The following XKR6 variants were observed in gnomAD, a reference collection of about 807,000 sequenced individuals.
XKR6 encodes XK-related protein 6.
XKR6 carries 22 observed loss-of-function variants against 56.7 expected under a neutral mutation model. That is an observed-to-expected ratio of 0.39 (90% CI 0.28 to 0.55). XKR6 has a LOEUF of 0.55. XKR6 is among the 20% of genes least tolerant of loss of function. The pLI, the probability that XKR6 is intolerant of heterozygous loss-of-function variation, is 0.66. For synonymous variants in XKR6, 524 were observed against 387.8 expected, an observed-to-expected ratio of 1.35 and a Z score of -4.13; for missense variants, 852 against 889.0, an observed-to-expected ratio of 0.96 and a Z score of 0.53.
At chr8:11,115,247 T>C (rs1017243268) in intron 1 of XKR6, among the ~76,000 whole-genome samples, 1 of 152,228 alleles carries the variant, frequency 6.6e-6, no homozygotes, top group African/African-American at 2.4e-5. Context: ...CAAAATCCTA[T>C]TTTAATCCTG....
Position 11,142,482 on chromosome 8 carries a change from G to C in XKR6, c.764+58094C>G, listed in dbSNP as rs141424495. Among the ~76,000 whole-genome samples the C allele has an allele frequency of 5.9e-5, 9 of 152,280 alleles. No homozygotes were observed. In the East Asian group the frequency reaches 1.7e-3, roughly 29 times the overall value. ...GTGTTGGAGGTGCGGCCTGGTGGGAGGTGTTTGGATCATGGGAGCAGATCC... is the reference window on the plus strand; with the variant it reads ...GTGTTGGAGGTGCGGCCTGGTGGGACGTGTTTGGATCATGGGAGCAGATCC... On this transcript the variant is annotated intron_variant, in intron 1 of 2. Coordinates refer to ENST00000416569, the MANE Select transcript of XKR6 (RefSeq NM_173683.4).
intron 1 of XKR6, among the ~76,000 whole-genome samples, chr8:11,125,504 T>A (rs1586581259): frequency 6.6e-6 from 1 of 152,014 alleles, no homozygotes; most frequent in South Asian, 2.1e-4. Flanking sequence ...ACATACAGAA[T>A]TGTGAAGTTT....
intron 1 of XKR6, among the ~76,000 whole-genome samples, chr8:11,178,186 G>C (rs1030065914): frequency 1.3e-5 from 2 of 152,044 alleles, no homozygotes; most frequent in Admixed American, 1.3e-4. Flanking sequence ...CTGAAAACTG[G>C]CTGCAAATAT....
chr8:11,146,106 T>C (rs76598258), intron 1 of XKR6, among the ~76,000 whole-genome samples: 8,482 of 152,250 alleles, frequency 0.056, 312 homozygotes, highest in South Asian at 0.096. Flanking sequence ...TTTCAACAAA[T>C]AGTAATAGAA....
chr8:10,912,287 A>C (rs1800407699), intron 2 of XKR6, among the ~76,000 whole-genome samples: 1 of 114,966 alleles, frequency 8.7e-6, no homozygotes, highest in African/African-American at 3.3e-5. Flanking sequence ...GTGTGTATAT[A>C]CATATATAAA....
intron 1 of XKR6, among the ~76,000 whole-genome samples, chr8:11,097,064 G>A (rs962216637): frequency 6.6e-6 from 1 of 152,184 alleles, no homozygotes; most frequent in African/African-American, 2.4e-5. Context: ...GTTGCCTAGA[G>A]TCAAGTTAAA....
chr8:11,099,251 G>C (rs1445864144), intron 1 of XKR6, among the ~76,000 whole-genome samples: 2 of 152,232 alleles, frequency 1.3e-5, no homozygotes, highest in African/African-American at 4.8e-5. Context: ...AAATCTGGAA[G>C]CTTGGCAAGG....
intron 1 of XKR6, among the ~76,000 whole-genome samples, chr8:11,155,700 T>C (rs923582770): frequency 3.9e-5 from 6 of 152,330 alleles, no homozygotes; most frequent in Admixed American, 6.5e-5. Flanking sequence ...ACACTGGCAC[T>C]ACAGAAGTCT....
At chr8:10,912,393 CAT>C (rs1269882866) in intron 2 of XKR6, among the ~76,000 whole-genome samples, 46 of 86,590 alleles carry the variant, frequency 5.3e-4, no homozygotes, top group African/African-American at 1.5e-3. Context: ...GGTGAGTATA[CAT>C]ATATATATAT....
intron 1 of XKR6, among the ~76,000 whole-genome samples, chr8:11,153,185 T>C (rs572913018): frequency 2.6e-5 from 4 of 152,324 alleles, no homozygotes; most frequent in Non-Finnish European, 5.9e-5. Context: ...GAAGAAAAGC[T>C]ACGTGAAGAA....
intron 1 of XKR6, among the ~76,000 whole-genome samples, chr8:11,066,232 C>A (rs992102797): frequency 2.0e-5 from 3 of 152,232 alleles, no homozygotes; most frequent in Admixed American, 2.0e-4. Context: ...ACCTTCTCAC[C>A]CCCTCTCTCC....
At chr8:11,083,376 C>A (rs948679614) in intron 1 of XKR6, among the ~76,000 whole-genome samples, 5 of 152,200 alleles carry the variant, frequency 3.3e-5, no homozygotes, top group Non-Finnish European at 5.9e-5. Context: ...TCTGGGGATG[C>A]ACAACCTGAA....
At chr8:10,969,495 A>G (rs892673889) in intron 1 of XKR6, among the ~76,000 whole-genome samples, 2 of 152,220 alleles carry the variant, frequency 1.3e-5, no homozygotes, top group Non-Finnish European at 2.9e-5. Flanking sequence ...CCAACAGGAC[A>G]TGGGAAATGT....
intron 2 of XKR6, among the ~76,000 whole-genome samples, chr8:10,917,259 G>A (rs965935362): frequency 3.9e-5 from 6 of 152,170 alleles, no homozygotes; most frequent in Admixed American, 1.3e-4. Context: ...CCTCCTTGCT[G>A]TGTGACTTGG....
At chr8:10,916,132 C>T (rs775794221) in intron 2 of XKR6, among the ~76,000 whole-genome samples, 1 of 152,192 alleles carries the variant, frequency 6.6e-6, no homozygotes, top group Non-Finnish European at 1.5e-5. Flanking sequence ...CACCAGGCAG[C>T]GTGGAGCACT....
chr8:11,190,761 G>T (rs780971605), intron 1 of XKR6, among the ~76,000 whole-genome samples: 62 of 152,130 alleles, frequency 4.1e-4, no homozygotes, highest in Non-Finnish European at 7.6e-4. Context: ...AACTAATTCT[G>T]TCCCGCCCAC....
At chr8:11,049,390 T>A (rs1043362902) in intron 1 of XKR6, among the ~76,000 whole-genome samples, 1 of 152,122 alleles carries the variant, frequency 6.6e-6, no homozygotes, top group South Asian at 2.1e-4. Context: ...AGTCTATTTG[T>A]GAACAGGTGG....
chr8:11,104,638 T>G (rs10481453), intron 1 of XKR6: 2 of 152,188 alleles, frequency 1.3e-5, no homozygotes, highest in African/African-American at 4.8e-5. Flanking sequence ...AGTCTTAAAC[T>G]TGATATTGTA....
intron 1 of XKR6, chr8:11,109,723 A>T (rs564421044): frequency 9.7e-4 from 148 of 152,266 alleles, no homozygotes; most frequent in African/African-American, 3.5e-3. Context: ...GATGGCCTTT[A>T]AACTATTCAT....
Sources: gnomAD v4.1 joint callset for allele counts (sites outside exome capture counted in the v4.1 genomes callset) on GRCh38, gnomAD v4.1.1 for gene constraint, MANE v1.5 for transcripts, NCBI Gene and HGNC (gene_info 2026-07-23, HGNC 2026-07-21) for gene names.